COL22A1: variants seen among roughly 807,000 people sequenced by gnomAD.
COL22A1 encodes the protein collagen type XXII alpha 1 chain.
In COL22A1, 221 loss-of-function variants were observed where a neutral mutation model predicts 248.9. The observed-to-expected ratio is 0.89, with a 90% CI of 0.80 to 0.99. COL22A1 has a LOEUF of 0.99. Among genes scored for constraint, COL22A1 ranks in the 50% least tolerant of loss-of-function variants. The pLI, the probability that COL22A1 is intolerant of heterozygous loss-of-function variation, is 0.00. For synonymous variants in COL22A1, 891 were observed against 793.4 expected (o/e 1.12, Z -2.07); for missense variants, 2,240 against 2,179.0 (o/e 1.03, Z -0.56).
chr8:138,878,841 A>G (rs1253542943), intron 2 of COL22A1, among the ~76,000 whole-genome samples: 1 of 152,020 alleles, frequency 6.6e-6, no homozygotes, highest in Non-Finnish European at 1.5e-5. Context: ...CCCCATCTCT[A>G]CTAAAAAATA....
In COL22A1 at chr8:138,869,736, G is replaced by T. The variant is rs548422862; in HGVS notation, c.658+8014C>A. Among the ~76,000 whole-genome samples, 3 of 152,288 alleles carry T rather than the reference G, an allele frequency of 2.0e-5. 1 individual carries two copies. In the East Asian group the frequency reaches 5.8e-4, roughly 29 times the overall value. On this transcript the variant is annotated intron_variant, in intron 3 of 64. Coordinates refer to ENST00000303045, the MANE Select transcript of COL22A1 (RefSeq NM_152888.3). ...TCAGTCCTAATAAGCCTCCCAAGAG[G>T]AACTCCTGGTGACCTGCAGCTGGAG...
At chr8:138,596,882 G>GT (rs1817578983) in intron 62 of COL22A1, 22 bp downstream of exon 62, 2 of 1,610,966 alleles carry the variant, frequency 1.2e-6, no homozygotes, top group South Asian at 2.2e-5. Flanking sequence ...CTGCAAGACC[G>GT]TAACACAGTC....
rs550176719 is a variant in COL22A1, at chr8:138,869,535, CA to C, written c.658+8214del. On this transcript the variant is annotated intron_variant, in intron 3 of 64. Transcript: ENST00000303045. The stretch of plus-strand genomic sequence containing the variant: ...ACCCAACGGTTCCAGGGGTCATCTC[CA>C]GGCTTAGGTCTGGCTGGGCAGGGTT... Among the ~76,000 whole-genome samples, 113 of 152,324 alleles carry C rather than the reference CA, an allele frequency of 7.4e-4. 1 individual carries two copies. The highest frequency in any genetic ancestry group is 2.5e-3 in the African/African-American group (105 of 41,566).
chr8:138,785,236 T>C (rs11786910), intron 12 of COL22A1, among the ~76,000 whole-genome samples: 53,669 of 152,136 alleles, frequency 0.35, 12,676 homozygotes, highest in African/African-American at 0.68. Flanking sequence ...GGAGAAGCTC[T>C]GCGTGGAGCC....
intron 16 of COL22A1, among the ~76,000 whole-genome samples, chr8:138,765,790 A>G (rs548032982): frequency 6.6e-6 from 1 of 152,262 alleles, no homozygotes; most frequent in African/African-American, 2.4e-5. Context: ...CAGAGAGAGA[A>G]AGAGTGAAGC....
At chr8:138,892,328 C>T (rs1825124087) in intron 1 of COL22A1, among the ~76,000 whole-genome samples, 2 of 152,200 alleles carry the variant, frequency 1.3e-5, no homozygotes, top group South Asian at 4.1e-4. Flanking sequence ...TTCTTATACT[C>T]AGTTTCCTCA....
intron 2 of COL22A1, among the ~76,000 whole-genome samples, chr8:138,881,558 G>T (rs1461333638): frequency 6.6e-6 from 1 of 152,134 alleles, no homozygotes; most frequent in African/African-American, 2.4e-5. Context: ...GGTGGCAGGC[G>T]CCTGTAGTCC....
At chr8:138,858,037 G>A (rs890451419) in intron 3 of COL22A1, among the ~76,000 whole-genome samples, 20 of 152,236 alleles carry the variant, frequency 1.3e-4, no homozygotes, top group African/African-American at 4.3e-4. Context: ...TTTGACCCAA[G>A]GTCATGGCCC....
chr8:138,745,000 G>A (rs907727493), intron 22 of COL22A1, among the ~76,000 whole-genome samples: 1 of 152,124 alleles, frequency 6.6e-6, no homozygotes, highest in African/African-American at 2.4e-5. Flanking sequence ...GAACCAAAGA[G>A]GTTGTCACCC....
chr8:138,593,841 A>C (rs1817290544), intron 63 of COL22A1, among the ~76,000 whole-genome samples, 176 bp downstream of exon 63: 1 of 152,236 alleles, frequency 6.6e-6, no homozygotes. Context: ...AAAAATGTCA[A>C]GTATGAAAGC....
intron 3 of COL22A1, among the ~76,000 whole-genome samples, chr8:138,877,131 A>C (rs1447321271): frequency 6.6e-6 from 1 of 152,014 alleles, no homozygotes; most frequent in Non-Finnish European, 1.5e-5. Context: ...CCCAGCCACA[A>C]TCAACAGATT....
chr8:138,698,323 A>G (rs1404303367), intron 32 of COL22A1, among the ~76,000 whole-genome samples: 3 of 152,214 alleles, frequency 2.0e-5, no homozygotes, highest in African/African-American at 7.2e-5. Flanking sequence ...TGGCTGACAC[A>G]CTAGCCCCTA....
intron 30 of COL22A1, among the ~76,000 whole-genome samples, chr8:138,704,718 G>T (rs12548893): frequency 0.57 from 86,119 of 152,046 alleles, 24,640 homozygotes; most frequent in East Asian, 0.86. Flanking sequence ...AGAGCGCCTC[G>T]CCTCCTCCAA....
At chr8:138,846,662 G>A (rs1340634062) in intron 3 of COL22A1, among the ~76,000 whole-genome samples, 1 of 152,126 alleles carries the variant, frequency 6.6e-6, no homozygotes, top group Non-Finnish European at 1.5e-5. Flanking sequence ...AAGGAGGTAG[G>A]GTTAGCATCC....
At chr8:138,688,877 G>A (rs1826583641) in intron 37 of COL22A1, 40 bp downstream of exon 37, 4 of 1,562,452 alleles carry the variant, frequency 2.6e-6, no homozygotes, top group Non-Finnish European at 2.6e-6. Context: ...AAGAAGTTAA[G>A]GATATTCACT....
At position 138,722,052 on chromosome 8, in the gene COL22A1, C is replaced by A; in HGVS notation, c.2285G>T (p.Gly762Val). The stretch of plus-strand genomic sequence containing the variant: ...GTGACCAACCTTGGTTCCTGGCGGA[C>A]CTGGTGGTCCATTTGGCCCGTCCTT... ...PGKDGPNGPP[G>V]PPGTKGEPGE... The change falls in exon 26 of 65, where the codon GGT (glycine) becomes GTT (valine). Residue 762 changes from glycine (G) to valine (V), a missense_variant. By Grantham distance (109) the Gly-to-Val change is moderately radical. Transcript: ENST00000303045. 1 of 1,580,324 alleles carries A rather than the reference C, an allele frequency of 6.3e-7. No homozygotes were observed. The highest frequency in any genetic ancestry group is 8.6e-7 in the Non-Finnish European group (1 of 1,161,064).
intron 22 of COL22A1, among the ~76,000 whole-genome samples, chr8:138,744,874 G>T (rs1400888886): frequency 6.6e-6 from 1 of 152,176 alleles, no homozygotes; most frequent in Non-Finnish European, 1.5e-5. Context: ...GAGATGGGTG[G>T]GGAGCACTGC....
Position 138,589,432 on chromosome 8 carries a change from C to T in COL22A1, c.4702G>A (p.Gly1568Arg), listed in dbSNP as rs368533920. The T allele has an allele frequency of 3.2e-5, 49 of 1,553,970 alleles. No homozygotes were observed. The highest frequency in any genetic ancestry group is 3.7e-5 in the Non-Finnish European group (43 of 1,151,910). The change falls in exon 65 of 65, where the codon GGG (glycine) becomes AGG (arginine). Residue 1568 changes from glycine (G) to arginine (R), a missense_variant. Physicochemically the swap from Gly to Arg is moderately radical, Grantham distance 125 (BLOSUM62 -2). Transcript: ENST00000303045. ...MGPPGIPGQPGEPGYAKDGLP... is the reference protein window; with the variant it reads ...MGPPGIPGQPREPGYAKDGLP... Reference sequence around the variant, plus strand: ...CCATCTTTAGCATAGCCAGGTTCCCCGGGTTGACCTGGCCCAAGGAGCAAA... The same window carrying T: ...CCATCTTTAGCATAGCCAGGTTCCCTGGGTTGACCTGGCCCAAGGAGCAAA...
chr8:138,632,016 T>C (rs938222300), intron 49 of COL22A1, among the ~76,000 whole-genome samples: 5 of 152,238 alleles, frequency 3.3e-5, no homozygotes, highest in African/African-American at 1.2e-4. Flanking sequence ...GACTGGGTTA[T>C]GAAGGCAGCA....
Sources: allele counts gnomAD v4.1 joint callset (sites outside exome capture counted in the v4.1 genomes callset), GRCh38; gene constraint gnomAD v4.1.1; transcripts MANE v1.5; gene names NCBI Gene and HGNC (gene_info 2026-07-23, HGNC 2026-07-21).